Variants in DHRSX observed in about 807,000 individuals in gnomAD.
DHRSX encodes polyprenol dehydrogenase.
In DHRSX, 31 loss-of-function variants were observed where a neutral mutation model predicts 34.0. That is an observed-to-expected ratio of 0.91 (90% CI 0.69 to 1.23). DHRSX has a LOEUF of 1.23. Among genes scored for constraint, DHRSX ranks in the 50% most tolerant of loss-of-function variants. DHRSX has a pLI of 0.00. For synonymous variants in DHRSX, 201 were observed against 183.8 expected (o/e 1.09, Z -0.76); for missense variants, 414 against 428.1 (o/e 0.97, Z 0.29).
chrX:2,469,722 T>A (rs1328979438), intron 1 of DHRSX, among the ~76,000 whole-genome samples: 1 of 145,688 alleles, frequency 6.9e-6, no homozygotes, highest in African/African-American at 2.6e-5. Context: ...CCACTGAAGA[T>A]GTTCCCTAAG....
At chrX:2,493,147 T>C (rs1464390252) in intron 1 of DHRSX, among the ~76,000 whole-genome samples, 7 of 152,122 alleles carry the variant, frequency 4.6e-5, no homozygotes, top group African/African-American at 1.7e-4. Flanking sequence ...GCTGAGAGAA[T>C]GAATAACATG....
chrX:2,328,592 C>T (rs189683670), intron 3 of DHRSX, among the ~76,000 whole-genome samples: 13 of 152,024 alleles, frequency 8.6e-5, no homozygotes, highest in African/African-American at 2.7e-4. Context: ...CACAGAGGGG[C>T]GACCCTATGA....
At chrX:2,233,777 AGAT>A (rs1420236781) in intron 6 of DHRSX, among the ~76,000 whole-genome samples, 9 of 152,254 alleles carry the variant, frequency 5.9e-5, no homozygotes, top group Non-Finnish European at 1.2e-4. Flanking sequence ...GAAAAAAAAA[AGAT>A]GAAACACACA....
chrX:2,485,494 A>G (rs1881651002), intron 1 of DHRSX, among the ~76,000 whole-genome samples: 1 of 143,618 alleles, frequency 7.0e-6, no homozygotes, highest in Non-Finnish European at 1.5e-5. Context: ...GGGAGGGAGG[A>G]AGGAAAAAGG....
rs745683841 is a variant in DHRSX, at chrX:2,344,128, T to C, written c.287-52525A>G. Among the ~76,000 whole-genome samples, 81 of 152,168 alleles carry C rather than the reference T, an allele frequency of 5.3e-4. 1 individual carries two copies. The highest frequency in any genetic ancestry group is 9.0e-4 in the Non-Finnish European group (61 of 68,004). On this transcript the variant is annotated intron_variant, in intron 3 of 6. Coordinates refer to ENST00000334651, the MANE Select transcript of DHRSX (RefSeq NM_145177.3). ...TCTATCTCTGACCTTGCACCACTCA[T>C]GAGAGCGGGCTCCAGCAAGCCAGCC...
At chrX:2,499,832 C>CCCAGG (rs2045370734) in intron 1 of DHRSX, among the ~76,000 whole-genome samples, 1 of 152,050 alleles carries the variant, frequency 6.6e-6, no homozygotes, top group African/African-American at 2.4e-5. Context: ...ATCGCTTGAG[C>CCCAGG]CCAGGAGTTC....
chrX:2,349,568 T>G (rs2042761693), intron 3 of DHRSX, among the ~76,000 whole-genome samples: 1 of 147,814 alleles, frequency 6.8e-6, no homozygotes. Flanking sequence ...GCACCTGTAA[T>G]CTCAGCTACT....
At chrX:2,370,590 G>GGAAAAAAAAAAAA (rs779229599) in intron 3 of DHRSX, among the ~76,000 whole-genome samples, 2 of 132,694 alleles carry the variant, frequency 1.5e-5, no homozygotes, top group Non-Finnish European at 3.1e-5. Context: ...TGGTTTTACT[G>GGAAAAAAAAAAAA]AAAAAAAAAA....
intron 6 of DHRSX, among the ~76,000 whole-genome samples, chrX:2,231,762 C>T (rs1602764161): frequency 1.3e-5 from 2 of 148,878 alleles, no homozygotes; most frequent in African/African-American, 5.0e-5. Context: ...CGTCCTCTTC[C>T]TCCTTTCTGC....
At chrX:2,472,601 C>G (rs527919940) in intron 1 of DHRSX, among the ~76,000 whole-genome samples, 3 of 152,142 alleles carry the variant, frequency 2.0e-5, no homozygotes, top group African/African-American at 7.2e-5. Context: ...GAAACCCTGT[C>G]ACTACTAAAA....
chrX:2,312,490 T>G (rs1342271456), intron 3 of DHRSX, among the ~76,000 whole-genome samples: 1 of 151,622 alleles, frequency 6.6e-6, no homozygotes, highest in Non-Finnish European at 1.5e-5. Flanking sequence ...AACCAAACAC[T>G]GCATGTTTTC....
At chrX:2,376,163 G>A (rs1260736701) in intron 3 of DHRSX, among the ~76,000 whole-genome samples, 2 of 137,742 alleles carry the variant, frequency 1.5e-5, no homozygotes, top group African/African-American at 4.9e-5. Context: ...GCGAACACGT[G>A]AAGTCTTTTT....
At chrX:2,312,724 AT>A (rs1179481929) in intron 3 of DHRSX, among the ~76,000 whole-genome samples, 2 of 152,166 alleles carry the variant, frequency 1.3e-5, no homozygotes, top group South Asian at 2.1e-4. Flanking sequence ...ATTAAAAAAA[AT>A]AAAAGAAACT....
chrX:2,282,892 G>C (rs1409341774), intron 4 of DHRSX, among the ~76,000 whole-genome samples: 1 of 149,684 alleles, frequency 6.7e-6, no homozygotes, highest in Non-Finnish European at 1.5e-5. Flanking sequence ...GGAGGGAGGA[G>C]GGAGAAGGGA....
chrX:2,288,781 T>C (rs1394682886), intron 4 of DHRSX, among the ~76,000 whole-genome samples: 2 of 152,162 alleles, frequency 1.3e-5, no homozygotes, highest in Admixed American at 6.5e-5. Flanking sequence ...ACAGAAGAGA[T>C]AGGGTACAGA....
Position 2,403,261 on chromosome X carries a change from C to G in DHRSX, c.286+5484G>C, listed in dbSNP as rs140454907. Among the ~76,000 whole-genome samples, 605 of 152,230 alleles carry G rather than the reference C, an allele frequency of 4.0e-3. 2 individuals carry two copies. Among genetic ancestry groups the G allele is most frequent in the African/African-American group, 0.014 (566 of 41,528 alleles). On this transcript the variant is annotated intron_variant, in intron 3 of 6. Coordinates refer to ENST00000334651, the MANE Select transcript of DHRSX (RefSeq NM_145177.3). ...TTGTGCTATCAAATACGAGACCTTA[C>G]TCATTCTATCTAAAGTATATTTTTG...
intron 3 of DHRSX, among the ~76,000 whole-genome samples, chrX:2,367,309 G>A (rs1416780244): frequency 6.6e-6 from 1 of 151,858 alleles, no homozygotes; most frequent in Non-Finnish European, 1.5e-5. Flanking sequence ...GTGGTGGTAG[G>A]TGCCTGTAAT....
chrX:2,314,293 AAT>A (rs1569487200), intron 3 of DHRSX, among the ~76,000 whole-genome samples: 9 of 14,128 alleles, frequency 6.4e-4, no homozygotes, highest in Non-Finnish European at 1.3e-3. Flanking sequence ...GGAAGGAGGG[AAT>A]GAGGGAGGGA....
intron 6 of DHRSX, among the ~76,000 whole-genome samples, chrX:2,230,211 ATG>A (rs1465421294): frequency 4.3e-5 from 3 of 69,706 alleles, no homozygotes; most frequent in East Asian, 3.1e-3. Context: ...GTATTTGTAC[ATG>A]TGTGCATGTA....
Sources: gnomAD v4.1 joint callset for allele counts (sites outside exome capture counted in the v4.1 genomes callset) on GRCh38, gnomAD v4.1.1 for gene constraint, MANE v1.5 for transcripts, NCBI Gene and HGNC (gene_info 2026-07-23, HGNC 2026-07-21) for gene names.